The following DENND2B variants were observed in gnomAD, a reference collection of about 807,000 sequenced individuals.
The protein encoded by DENND2B is DENN domain-containing protein 2B.
Under a neutral mutation model 116.0 loss-of-function variants are expected in DENND2B, and 32 were observed. The ratio of observed to expected loss-of-function variants is 0.28; its 90% CI spans 0.21 to 0.37. DENND2B has a LOEUF of 0.37. DENND2B is among the 10% of genes least tolerant of loss of function. The pLI is 1.00. For synonymous variants in DENND2B, 588 were observed against 583.9 expected (o/e 1.01, Z -0.10); for missense variants, 1,276 against 1,477.7 (o/e 0.86, Z 2.24).
At chr11:8,774,579 A>G (rs1032147419) in intron 1 of DENND2B, among the ~76,000 whole-genome samples, 3 of 152,058 alleles carry the variant, frequency 2.0e-5, no homozygotes, top group Non-Finnish European at 4.4e-5. Context: ...CCATCTCATC[A>G]CCACCACCCC....
At chr11:8,801,837 T>C (rs992226537) in intron 1 of DENND2B, among the ~76,000 whole-genome samples, 9 of 149,676 alleles carry the variant, frequency 6.0e-5, no homozygotes, top group Non-Finnish European at 1.3e-4. Flanking sequence ...CCCATCTCTA[T>C]AAAAAAAATT....
chr11:8,730,506 G>C lies in DENND2B; in HGVS notation c.784C>G (p.Arg262Gly). 6.2e-7 allele frequency: 1 copy of C among 1,612,544 alleles called. No homozygotes were observed. Residue 262 changes from arginine to glycine, a missense_variant, in exon 3 of 20, where the codon CGG becomes GGG. Transcript: ENST00000313726. This position sits in a 1 kb window ranked among gnomAD's most constrained non-coding sequence, Gnocchi z 4.1. ...SFYRLEKRLG[R>G]SEPSAFLRGH... ...CTGAGGAAGGCGCTGGGCTCACTCC[G>C]GCCCAGCCGTTTCTCCAGCCGGTAG... is the stretch of plus-strand genomic sequence containing the variant.
chr11:8,742,179 C>T (rs780932955), intron 2 of DENND2B, among the ~76,000 whole-genome samples: 4 of 152,326 alleles, frequency 2.6e-5, no homozygotes, highest in East Asian at 1.9e-4. Flanking sequence ...GGATTACAAG[C>T]GTGAGCCACT....
At chr11:8,843,689 A>G (rs936305760) in intron 3 of DENND2B, among the ~76,000 whole-genome samples, 14 of 152,036 alleles carry the variant, frequency 9.2e-5, no homozygotes, top group East Asian at 1.9e-4. Context: ...GTCACAAATA[A>G]TACGCTGTCT....
intron 1 of DENND2B, among the ~76,000 whole-genome samples, chr11:8,907,359 A>G (rs1939163398): frequency 6.6e-6 from 1 of 152,194 alleles, no homozygotes; most frequent in Non-Finnish European, 1.5e-5. Flanking sequence ...TTGATCCACA[A>G]GGGGCCTGAT....
intron 5 of DENND2B, 55 bp from the exon 6 acceptor site, chr11:8,715,873 T>G (rs2044672263): frequency 1.1e-5 from 16 of 1,508,496 alleles, no homozygotes; most frequent in Non-Finnish European, 1.3e-5. Flanking sequence ...CCTTGGCCAG[T>G]GTCTGTCTGC....
chr11:8,717,925 A>G, intron 4 of DENND2B, 33 bp from the exon 5 acceptor site: 2 of 1,595,430 alleles, frequency 1.3e-6, no homozygotes, highest in Non-Finnish European at 8.6e-7. Context: ...GAAGGGGGAG[A>G]AGGGAAGAAG....
intron 3 of DENND2B, among the ~76,000 whole-genome samples, chr11:8,847,554 T>A (rs765568093): frequency 2.0e-5 from 3 of 152,026 alleles, no homozygotes; most frequent in Non-Finnish European, 2.9e-5. Context: ...GTATAAGCAG[T>A]CAAAGAAAAC....
chr11:8,875,593 T>A (rs2063833175), upstream of DENND2B, among the ~76,000 whole-genome samples: 1 of 151,754 alleles, frequency 6.6e-6, no homozygotes, highest in South Asian at 2.1e-4. Flanking sequence ...TAGAGATTTT[T>A]AAAAATCTCT....
At chr11:8,701,673 T>C (rs2041711978) in intron 14 of DENND2B, among the ~76,000 whole-genome samples, 1 of 152,150 alleles carries the variant, frequency 6.6e-6, no homozygotes, top group Admixed American at 6.5e-5. Context: ...ACTTGTGCCT[T>C]GCCTGTGTCA....
At chr11:8,805,414 C>T (rs962027716) in intron 1 of DENND2B, among the ~76,000 whole-genome samples, 9 of 152,172 alleles carry the variant, frequency 5.9e-5, no homozygotes, top group East Asian at 1.9e-4. Flanking sequence ...GTCAGTTCCT[C>T]GAACAAAACT....
chr11:8,787,469 C>A (rs10769957), intron 1 of DENND2B, among the ~76,000 whole-genome samples: 52,801 of 152,038 alleles, frequency 0.35, 11,139 homozygotes, highest in Non-Finnish European at 0.45. Context: ...TGCCATCATG[C>A]CAGGCCAGAA....
intron 16 of DENND2B, chr11:8,698,022 C>T: frequency 2.5e-6 from 1 of 392,458 alleles, no homozygotes; most frequent in South Asian, 1.9e-5. Context: ...ACCTGTACTC[C>T]CAGCTACTTA....
chr11:8,805,653 G>T (rs1008622617), intron 1 of DENND2B, among the ~76,000 whole-genome samples: 8 of 152,110 alleles, frequency 5.3e-5, no homozygotes, highest in African/African-American at 1.9e-4. Flanking sequence ...CAGCCTAAGA[G>T]CATGAGATGG....
At chr11:8,870,446 T>C (rs867715700) in intron 2 of DENND2B, among the ~76,000 whole-genome samples, 1 of 152,090 alleles carries the variant, frequency 6.6e-6, no homozygotes, top group Non-Finnish European at 1.5e-5. Context: ...GTTGCAGTAA[T>C]AGCATGCAAA....
chr11:8,728,404 G>C (rs1175111929), intron 3 of DENND2B, among the ~76,000 whole-genome samples: 1 of 152,166 alleles, frequency 6.6e-6, no homozygotes, highest in East Asian at 1.9e-4. Context: ...CATGTTCACT[G>C]TGTGAAATGG....
At chr11:8,824,784 A>T (rs2061909508) in intron 4 of DENND2B, among the ~76,000 whole-genome samples, 1 of 150,416 alleles carries the variant, frequency 6.6e-6, no homozygotes, top group Non-Finnish European at 1.5e-5. Flanking sequence ...CACCTCTCAG[A>T]TTCAAGCAAT....
chr11:8,717,500 G>A (rs904143229), intron 5 of DENND2B, among the ~76,000 whole-genome samples: 1 of 152,212 alleles, frequency 6.6e-6, no homozygotes, highest in Non-Finnish European at 1.5e-5. Flanking sequence ...CCTCAGAGCA[G>A]GTGCCAATTG....
intron 3 of DENND2B, among the ~76,000 whole-genome samples, chr11:8,843,923 C>T (rs957785490): frequency 2.0e-5 from 3 of 152,206 alleles, no homozygotes; most frequent in African/African-American, 7.2e-5. Context: ...TGCATCTTCT[C>T]CTCAACATTC....
Sources: allele counts gnomAD v4.1 joint callset (sites outside exome capture counted in the v4.1 genomes callset), GRCh38; gene constraint gnomAD v4.1.1; non-coding constraint Gnocchi (gnomAD v3.1); transcripts MANE v1.5; gene names NCBI Gene and HGNC (gene_info 2026-07-23, HGNC 2026-07-21).